C9orf153: variants seen among roughly 807,000 people sequenced by gnomAD.
The protein encoded by C9orf153 is uncharacterized protein C9orf153.
A neutral mutation model predicts 9.0 loss-of-function variants in C9orf153; 10 were observed. The observed-to-expected ratio is 1.11, with a 90% CI of 0.69 to 1.89. C9orf153 has a LOEUF of 1.89. C9orf153 is among the 40% of genes most tolerant of loss of function. The pLI is 0.00. For synonymous variants in C9orf153, 35 were observed against 37.3 expected, an observed-to-expected ratio of 0.94 and a Z score of 0.23; for missense variants, 108 against 111.0, an observed-to-expected ratio of 0.97 and a Z score of 0.12.
intron 1 of C9orf153, among the ~76,000 whole-genome samples, chr9:86,246,241 A>G (rs554587215): frequency 2.2e-4 from 34 of 152,278 alleles, no homozygotes; most frequent in African/African-American, 7.0e-4. Context: ...TTGCCTTGGA[A>G]AGATGTTTTC....
intron 1 of C9orf153, among the ~76,000 whole-genome samples, chr9:86,234,335 A>T (rs1171971939): frequency 2.0e-5 from 3 of 152,270 alleles, no homozygotes; most frequent in African/African-American, 7.2e-5. Flanking sequence ...AATGTTGAAT[A>T]GCTATTGTGT....
chr9:86,235,673 C>T (rs559821343), intron 1 of C9orf153, among the ~76,000 whole-genome samples: 3 of 124,900 alleles, frequency 2.4e-5, no homozygotes, highest in South Asian at 2.8e-4. Flanking sequence ...ACCCAGGAGG[C>T]GGAGGTTGCA....
chr9:86,240,033 C>G (rs11141311), intron 1 of C9orf153, among the ~76,000 whole-genome samples: 33,922 of 152,054 alleles, frequency 0.22, 4,809 homozygotes, highest in East Asian at 0.46. Flanking sequence ...ATGATACTGA[C>G]CATTACTAAG....
intron 1 of C9orf153, among the ~76,000 whole-genome samples, chr9:86,242,621 T>C (rs895084353): frequency 6.6e-6 from 1 of 152,150 alleles, no homozygotes; most frequent in African/African-American, 2.4e-5. Context: ...GAAAATACGT[T>C]TGTCTGTCAA....
chr9:86,251,174 C>T (rs956498900), intron 1 of C9orf153, among the ~76,000 whole-genome samples: 2 of 152,134 alleles, frequency 1.3e-5, no homozygotes, highest in African/African-American at 4.8e-5. Context: ...AATGGATATT[C>T]ATTAACTATC....
At chr9:86,240,559 GGA>G (rs1824710424) in intron 1 of C9orf153, among the ~76,000 whole-genome samples, 1 of 151,464 alleles carries the variant, frequency 6.6e-6, no homozygotes, top group Non-Finnish European at 1.5e-5. Context: ...TGTATTTTTA[GGA>G]GAGACGGGGT....
intron 1 of C9orf153, among the ~76,000 whole-genome samples, chr9:86,247,752 T>C (rs2131201010): frequency 1.3e-5 from 2 of 152,382 alleles, no homozygotes; most frequent in South Asian, 4.1e-4. Context: ...TGATTCATTC[T>C]TGTTTCATGG....
intron 1 of C9orf153, among the ~76,000 whole-genome samples, chr9:86,254,135 A>AT (rs967186244): frequency 6.6e-6 from 1 of 151,692 alleles, no homozygotes; most frequent in African/African-American, 2.4e-5. Flanking sequence ...TTGCAAATAA[A>AT]TTGGTCCTAC....
intron 3 of C9orf153, chr9:86,227,279 C>T (rs1258664164): frequency 2.4e-5 from 33 of 1,396,134 alleles, no homozygotes; most frequent in Non-Finnish European, 2.8e-5. Context: ...CTCGGGTAGC[C>T]GAGATTACAG....
chr9:86,232,213 G>T (rs1358618193), intron 1 of C9orf153, among the ~76,000 whole-genome samples: 2 of 152,214 alleles, frequency 1.3e-5, no homozygotes, highest in Non-Finnish European at 2.9e-5. Flanking sequence ...CATTCTCTTT[G>T]CTAAACTACC....
chr9:86,257,626 G>A (rs1372012211), intron 1 of C9orf153, among the ~76,000 whole-genome samples: 1 of 152,204 alleles, frequency 6.6e-6, no homozygotes, highest in African/African-American at 2.4e-5. Context: ...TGACATGGCA[G>A]CTGGCACAGA....
intron 2 of C9orf153, among the ~76,000 whole-genome samples, chr9:86,229,173 A>C (rs1376469764): frequency 6.6e-6 from 1 of 151,720 alleles, no homozygotes; most frequent in Non-Finnish European, 1.5e-5. Context: ...GGGGAGTTAA[A>C]TAGTGTGATG....
At chr9:86,251,822 C>T (rs1824999647) in intron 1 of C9orf153, among the ~76,000 whole-genome samples, 1 of 151,442 alleles carries the variant, frequency 6.6e-6, no homozygotes, top group African/African-American at 2.4e-5. Context: ...TACACTGATG[C>T]AAAGGTAAAA....
chr9:86,255,519 T>C (rs1167401304), intron 1 of C9orf153, among the ~76,000 whole-genome samples: 3 of 152,250 alleles, frequency 2.0e-5, no homozygotes, highest in African/African-American at 7.2e-5. Flanking sequence ...TTCTGAAGGC[T>C]GCTACCTGTG....
intron 1 of C9orf153, among the ~76,000 whole-genome samples, chr9:86,234,813 G>C (rs1040350416): frequency 6.6e-6 from 1 of 152,158 alleles, no homozygotes. Context: ...ATCTGACAAG[G>C]AACTTGTATA....
intron 1 of C9orf153, among the ~76,000 whole-genome samples, chr9:86,255,137 C>G (rs1190207462): frequency 6.6e-6 from 1 of 151,976 alleles, no homozygotes; most frequent in African/African-American, 2.4e-5. Flanking sequence ...TAAATTTGCT[C>G]TTTTTTGCTT....
At chr9:86,222,561 T>TTAGCAGTTAA (rs1298035943) in intron 3 of C9orf153, among the ~76,000 whole-genome samples, 6 of 152,084 alleles carry the variant, frequency 3.9e-5, no homozygotes, top group Admixed American at 1.3e-4. Context: ...TGAGGTGTCA[T>TTAGCAGTTAA]TAGCAGTTAC....
chr9:86,229,553 G>C lies in C9orf153; in HGVS notation c.51C>G (p.Thr17=). 3.1e-6 allele frequency: 5 copies of C among 1,610,762 alleles called. No homozygotes were observed. Among genetic ancestry groups the C allele is most frequent in the Non-Finnish European group, 3.4e-6 (4 of 1,177,046 alleles). The change falls in exon 2 of 4, where the codon ACC becomes ACG. Residue 17 remains threonine, a synonymous_variant. Transcript: ENST00000339137. Reference sequence around the variant, plus strand: ...AAGTACATACTGAACATTGAGGAAGGGTGGCTTCTCTATTGTCCTCAGCTG... The same window carrying C: ...AAGTACATACTGAACATTGAGGAAGCGTGGCTTCTCTATTGTCCTCAGCTG... ...TSPAEDNREA[T]LPQCSLPELY...
intron 1 of C9orf153, among the ~76,000 whole-genome samples, chr9:86,255,829 G>A (rs1297088619): frequency 6.6e-6 from 1 of 152,194 alleles, no homozygotes; most frequent in Non-Finnish European, 1.5e-5. Flanking sequence ...AGGGCAAAAA[G>A]GACATTTTTC....
Sources: gnomAD v4.1 joint callset for allele counts (sites outside exome capture counted in the v4.1 genomes callset) on GRCh38, gnomAD v4.1.1 for gene constraint, MANE v1.5 for transcripts, NCBI Gene and HGNC (gene_info 2026-07-23, HGNC 2026-07-21) for gene names.